DNAH9: variants seen among roughly 807,000 people sequenced by gnomAD.
DNAH9 encodes the protein dynein axonemal heavy chain 9.
DNAH9 carries 345 observed loss-of-function variants against 471.6 expected under a neutral mutation model. The observed-to-expected ratio is 0.73, with a 90% confidence interval of 0.67 to 0.80. The LOEUF is 0.80. Ranked by LOEUF, DNAH9 falls within the 30% of genes least tolerant of loss-of-function variation. DNAH9 has a pLI of 0.00. For missense variants in DNAH9, 5,407 were observed against 5,609.2 expected (o/e 0.96, Z 1.15); for synonymous variants, 2,093 against 2,123.6 (o/e 0.99, Z 0.40).
At chr17:11,654,260 G>A (rs2073580431) in intron 14 of DNAH9, among the ~76,000 whole-genome samples, 1 of 93,384 alleles carries the variant, frequency 1.1e-5, no homozygotes, top group Non-Finnish European at 2.3e-5. Flanking sequence ...GGAGGCTGAG[G>A]CAGGAGAATG....
intron 14 of DNAH9, 87 bp from the exon 15 acceptor site, chr17:11,664,746 A>T (rs1044036678): frequency 9.0e-7 from 1 of 1,105,536 alleles, no homozygotes; most frequent in Non-Finnish European, 1.3e-6. Context: ...TTTTTTCTCC[A>T]TATGTTGTTT....
rs553577082 is a variant in DNAH9 at position 11,759,869 on chromosome 17, G to A, written c.6995+2177G>A. On this transcript the variant is annotated intron_variant, in intron 35 of 68. Coordinates refer to ENST00000262442, the MANE Select transcript of DNAH9 (RefSeq NM_001372.4). The stretch of plus-strand genomic sequence containing the variant: ...GCCCAGCTAATATTTTGTATTTTTA[G>A]TAGAGATGGGGTTTCACCATGTTGG... Among the ~76,000 whole-genome samples, 11 of 152,222 alleles carry A rather than the reference G, an allele frequency of 7.2e-5. No individual in the cohort carries two copies. In the South Asian group the frequency reaches 2.3e-3, roughly 32 times the overall value.
At chr17:11,910,314 C>T (rs1297954680) in intron 61 of DNAH9, among the ~76,000 whole-genome samples, 2 of 151,936 alleles carry the variant, frequency 1.3e-5, no homozygotes, top group African/African-American at 4.8e-5. Context: ...ATACAATATG[C>T]TTTCTTGTGA....
In DNAH9 at chr17:11,685,801, A is replaced by ATTTT. The variant is rs66577382; in HGVS notation, c.3744-3747_3744-3744dup. Among the ~76,000 whole-genome samples the ATTTT allele has an allele frequency of 4.0e-5, 5 of 123,620 alleles. 1 individual carries two copies. The highest frequency in any genetic ancestry group is 6.6e-5 in the Non-Finnish European group (4 of 60,388). 81.1% of individuals were successfully genotyped at this position (123,620 alleles called of 152,430 possible). A position where few individuals can be genotyped will look rare whatever the true frequency, so the allele number is the denominator to read the frequency against. On this transcript the variant is annotated intron_variant, in intron 19 of 68. Coordinates refer to ENST00000262442, the MANE Select transcript of DNAH9 (RefSeq NM_001372.4). ...CACAAAGTCAGGGTTGGATACATTA[A>ATTTT]TTTTTTTTTTTTTTTTTTTTTGAGA... is the stretch of plus-strand genomic sequence containing the variant.
At position 11,933,918 on chromosome 17, in the gene DNAH9, C is replaced by G. The variant is rs1974605394; in HGVS notation, c.12336C>G (p.Ile4112Met). ...ATTTGCGCTACCTGTTTGGAGAGAT[C>G]ATGTATGGAGGCCATATCACAGATG... ...YDDLRYLFGE[I>M]MYGGHITDDW... Residue 4112 changes from isoleucine (I) to methionine (M), a missense_variant, in exon 65 of 69, where the codon ATC (isoleucine) becomes ATG (methionine). Ile to Met is a conservative substitution (Grantham distance 10, BLOSUM62 1). This residue lies in a region of DNAH9 where 4,636 missense variants were observed against 4,900.3 expected (regional missense o/e 0.95). Coordinates refer to ENST00000262442, the MANE Select transcript of DNAH9 (RefSeq NM_001372.4). The G allele has an allele frequency of 6.2e-7, 1 of 1,614,050 alleles. No individual in the cohort carries two copies. Among genetic ancestry groups the G allele is most frequent in the African/African-American group, 1.3e-5 (1 of 75,022 alleles).
At chr17:11,816,726 A>G (rs1006101636) in intron 45 of DNAH9, among the ~76,000 whole-genome samples, 2 of 152,242 alleles carry the variant, frequency 1.3e-5, no homozygotes, top group African/African-American at 4.8e-5. Flanking sequence ...GTGGCCTTTA[A>G]GGAGTCCCAT....
Position 11,611,864 on chromosome 17 carries a change from C to T in DNAH9, c.904+84C>T, listed in dbSNP as rs138816386. The T allele has an allele frequency of 1.3e-3, 1,870 of 1,391,656 alleles. 13 individuals carry two copies. The African/African-American group carries it at 0.022, about 16-fold the overall frequency. 86.2% of individuals were successfully genotyped at this position (1,391,656 alleles called of 1,614,324 possible). ...CATTCACCTCTCTCTGTCTGAATTC[C>T]GCAACTTCAAGTCCTTGTAAATTTC... On this transcript the variant is annotated intron_variant, in intron 4 of 68. Transcript: ENST00000262442.
chr17:11,851,094 T>TTTGTTGTTGTTGTTG (rs139118005), intron 49 of DNAH9, among the ~76,000 whole-genome samples: 37 of 147,954 alleles, frequency 2.5e-4, no homozygotes, highest in African/African-American at 8.9e-4. Context: ...TTGAGGTTGT[T>TTTGTTGTTGTTGTTG]TTGTTGTTGT....
chr17:11,689,512 A>C, intron 19 of DNAH9, 54 bp from the exon 20 acceptor site: 1 of 1,480,844 alleles, frequency 6.8e-7, no homozygotes, highest in African/African-American at 1.4e-5. Context: ...TAGAGATGCT[A>C]GGAGATGGGC....
chr17:11,869,276 C>T (rs767339673), intron 51 of DNAH9, 23 bp downstream of exon 51: 58 of 1,609,940 alleles, frequency 3.6e-5, no homozygotes, highest in Admixed American at 8.4e-5. Context: ...CACAGCAGCC[C>T]GAGCTGTAAT....
intron 35 of DNAH9, among the ~76,000 whole-genome samples, chr17:11,759,760 C>CA (rs1486519623): frequency 6.6e-6 from 1 of 150,764 alleles, no homozygotes; most frequent in East Asian, 2.0e-4. Flanking sequence ...GATCTCAGCT[C>CA]ACTGCAACCT....
At chr17:11,802,283 T>G (rs537646569) in intron 43 of DNAH9, among the ~76,000 whole-genome samples, 1 of 152,138 alleles carries the variant, frequency 6.6e-6, no homozygotes, top group East Asian at 1.9e-4. Flanking sequence ...CTCTATGGCC[T>G]CACATCGCTA....
rs2072314701 is a variant in DNAH9, at chr17:11,598,730, C to A, written c.232C>A (p.Pro78Thr). Residue 78 changes from proline (P) to threonine (T), a missense_variant, in exon 1 of 69, where the codon CCC (proline) becomes ACC (threonine). Coordinates refer to ENST00000262442, the MANE Select transcript of DNAH9 (RefSeq NM_001372.4). Reference sequence around the variant, plus strand: ...GCCGCTGCTGGTGGTGCGGCCCGGGCCCAGGGGCCTGGCAATACGCCCCGG... The same window carrying A: ...GCCGCTGCTGGTGGTGCGGCCCGGGACCAGGGGCCTGGCAATACGCCCCGG... ...PRPLLVVRPG[P>T]RGLAIRPGLE... 5.0e-6 allele frequency: 7 copies of A among 1,396,914 alleles called. 1 individual carries two copies. The South Asian group carries it at 9.3e-5, about 19-fold the overall frequency. 86.5% of individuals were successfully genotyped at this position (1,396,914 alleles called of 1,614,324 possible).
At position 11,874,998 on chromosome 17, in the gene DNAH9, A is replaced by T. The variant is rs764191345; in HGVS notation, c.10292A>T (p.Asp3431Val). 4 of 1,613,972 alleles carry T rather than the reference A, an allele frequency of 2.5e-6. No individual in the cohort carries two copies. Among genetic ancestry groups the T allele is most frequent in the Non-Finnish European group, 3.4e-6 (4 of 1,180,016 alleles). ...PALDPLRMLM[D>V]DADVAAWQNE... Reference sequence around the variant, plus strand: ...CTGGATCCCCTGAGGATGCTGATGGATGATGCTGACGTGGCTGCCTGGCAG... The same window carrying T: ...CTGGATCCCCTGAGGATGCTGATGGTTGATGCTGACGTGGCTGCCTGGCAG... Residue 3431 changes from aspartate (D) to valine (V), a missense_variant, in exon 53 of 69, where the codon GAT (aspartate) becomes GTT (valine). Transcript: ENST00000262442.
At chr17:11,783,396 G>A (rs1267584615) in intron 39 of DNAH9, among the ~76,000 whole-genome samples, 2 of 152,112 alleles carry the variant, frequency 1.3e-5, no homozygotes, top group Admixed American at 6.5e-5. Context: ...GGTATGGCAC[G>A]AACCCCTGAT....
At chr17:11,755,610 A>C (rs536981305) in intron 33 of DNAH9, among the ~76,000 whole-genome samples, 1 of 152,134 alleles carries the variant, frequency 6.6e-6, no homozygotes, top group South Asian at 2.1e-4. Context: ...CATTGTTCCA[A>C]TATAGTCTAG....
intron 61 of DNAH9, among the ~76,000 whole-genome samples, chr17:11,920,034 TC>T (rs1370739026): frequency 1.4e-5 from 2 of 139,206 alleles, no homozygotes; most frequent in Non-Finnish European, 3.1e-5. Context: ...CTAAGTTCTT[TC>T]TTTTTTTTTT....
chr17:11,772,127 A>G (rs974485582), intron 38 of DNAH9, among the ~76,000 whole-genome samples: 2 of 152,094 alleles, frequency 1.3e-5, no homozygotes, highest in African/African-American at 2.4e-5. Flanking sequence ...CATTATTACT[A>G]TTATCATTAG....
intron 14 of DNAH9, among the ~76,000 whole-genome samples, chr17:11,653,607 A>T (rs2073561717): frequency 6.6e-6 from 1 of 152,214 alleles, no homozygotes; most frequent in African/African-American, 2.4e-5. Context: ...AAGTAGCTAT[A>T]GGGCCATGTC....
Sources: gnomAD v4.1 joint callset for allele counts (sites outside exome capture counted in the v4.1 genomes callset) on GRCh38, gnomAD v4.1.1 for gene constraint, gnomAD v4.1.1 regional missense constraint, MANE v1.5 for transcripts, NCBI Gene and HGNC (gene_info 2026-07-23, HGNC 2026-07-21) for gene names.